Variants in CTDSPL2 observed in about 807,000 individuals in gnomAD.
CTDSPL2 encodes CTD small phosphatase like 2, also known as CTD small phosphatase-like protein 2.
In CTDSPL2, 5 loss-of-function variants were observed where a neutral mutation model predicts 60.0. The ratio of observed to expected loss-of-function variants is 0.08; its 90% CI spans 0.04 to 0.18. CTDSPL2 has a LOEUF of 0.18. CTDSPL2 is among the 10% of genes least tolerant of loss of function. CTDSPL2 has a pLI of 1.00. For synonymous variants in CTDSPL2, 186 were observed against 189.3 expected (o/e 0.98, Z 0.14); for missense variants, 370 against 548.8 (o/e 0.67, Z 3.26).
intron 2 of CTDSPL2, among the ~76,000 whole-genome samples, chr15:44,472,497 C>G (rs1203273186): frequency 1.3e-5 from 2 of 148,938 alleles, no homozygotes; most frequent in African/African-American, 4.9e-5. Context: ...AGAGAAATGT[C>G]TGGTATTTTA....
At chr15:44,484,601 G>A (rs112188293) in intron 3 of CTDSPL2, among the ~76,000 whole-genome samples, 52 of 152,260 alleles carry the variant, frequency 3.4e-4, no homozygotes, top group African/African-American at 1.1e-3. Flanking sequence ...TTAGCCAGGC[G>A]TGGTGGCGCA....
chr15:44,513,535 A>T (rs1341648645), intron 8 of CTDSPL2, among the ~76,000 whole-genome samples: 1 of 152,188 alleles, frequency 6.6e-6, no homozygotes, highest in Non-Finnish European at 1.5e-5. Context: ...GCCCTAAAAC[A>T]TTCCTAGAAC....
chr15:44,494,910 C>T (rs546529745), intron 5 of CTDSPL2, among the ~76,000 whole-genome samples: 16 of 152,142 alleles, frequency 1.1e-4, no homozygotes, highest in African/African-American at 1.9e-4. Context: ...ATTGAGACTC[C>T]GCCTCAACAC....
intron 8 of CTDSPL2, chr15:44,503,499 A>C (rs1301272599): frequency 2.2e-4 from 33 of 152,176 alleles, no homozygotes; most frequent in Admixed American, 2.2e-3. Flanking sequence ...GATGACTTCT[A>C]TCCACAAGCA....
At position 44,522,751 on chromosome 15, in the gene CTDSPL2, TCAAAA is replaced by T. The variant is rs1485967926; in HGVS notation, c.1336-1343_1336-1339del. ...CTGGGCAACAGAGTGAGACTTTGTC[TCAAAA>T]CAAAACAAAACAAACAAACAAAATT... On this transcript the variant is annotated intron_variant, in intron 12 of 12. Transcript: ENST00000260327. Among the ~76,000 whole-genome samples, 5 of 152,246 alleles carry T rather than the reference TCAAAA, an allele frequency of 3.3e-5. No individual in the cohort carries two copies. The East Asian group carries it at 7.8e-4, about 24-fold the overall frequency.
intron 1 of CTDSPL2, among the ~76,000 whole-genome samples, chr15:44,437,729 CTTA>C (rs1266097701): frequency 2.0e-5 from 3 of 152,064 alleles, no homozygotes; most frequent in African/African-American, 7.2e-5. Flanking sequence ...CTTCAAGACT[CTTA>C]CAGTCTAGTG....
chr15:44,524,494 A>G lies in CTDSPL2; in HGVS notation c.*320A>G, dbSNP rs2081841529. 4.2e-6 allele frequency: 1 copy of G among 239,188 alleles called. No individual in the cohort carries two copies. 14.8% of individuals were successfully genotyped at this position (239,188 alleles called of 1,614,324 possible). A position where few individuals can be genotyped will look rare whatever the true frequency, so the allele number is the denominator to read the frequency against. On this transcript the variant is annotated 3_prime_UTR_variant, in exon 13 of 13. Transcript: ENST00000260327. ...GCAGTTTGACCTGTAGTCACACAGG[A>G]TTTTATGATAATAACAGAGATGAAA...
At chr15:44,453,945 A>G (rs536165675) in intron 1 of CTDSPL2, among the ~76,000 whole-genome samples, 37 of 152,318 alleles carry the variant, frequency 2.4e-4, no homozygotes, top group Non-Finnish European at 5.1e-4. Flanking sequence ...TTACCCAGTA[A>G]TGGGATAGCT....
intron 2 of CTDSPL2, among the ~76,000 whole-genome samples, chr15:44,471,156 G>A (rs1025636914): frequency 2.6e-5 from 4 of 152,002 alleles, no homozygotes; most frequent in African/African-American, 7.2e-5. Flanking sequence ...TTTCTTCCGC[G>A]TTACCACATG....
At chr15:44,518,885 A>G (rs2081706637) in intron 10 of CTDSPL2, 1 of 181,882 alleles carries the variant, frequency 5.5e-6, no homozygotes, top group Admixed American at 6.2e-5. Context: ...TACAAAAACA[A>G]TTTAGAGTTT....
intron 1 of CTDSPL2, among the ~76,000 whole-genome samples, chr15:44,446,569 G>A (rs953366709): frequency 9.2e-5 from 14 of 152,000 alleles, no homozygotes; most frequent in Admixed American, 2.6e-4. Context: ...GGTAGAGGTT[G>A]CAGTGAGCTG....
Position 44,484,276 on chromosome 15 carries a change from A to C in CTDSPL2, c.239A>C (p.Asn80Thr). Residue 80 changes from asparagine (N) to threonine (T), a missense_variant, in exon 3 of 13, where the codon AAC becomes ACC. Around this residue, in one of 6 missense-constraint regions of CTDSPL2, gnomAD observed 287 missense variants for 296.1 expected, o/e 0.97. Coordinates refer to ENST00000260327, the MANE Select transcript of CTDSPL2 (RefSeq NM_016396.3). The stretch of plus-strand genomic sequence containing the variant: ...AGTAGAATTGAACGTGATATAGATA[A>C]CAATTTGATCACGTCAACACCAAGA... ...KRSRIERDID[N>T]NLITSTPRAG... 6.2e-7 allele frequency: 1 copy of C among 1,611,908 alleles called. No homozygotes were observed. Among genetic ancestry groups the C allele is most frequent in the Non-Finnish European group, 8.5e-7 (1 of 1,178,034 alleles).
At chr15:44,452,504 A>G (rs527997587) in intron 1 of CTDSPL2, among the ~76,000 whole-genome samples, 1 of 152,134 alleles carries the variant, frequency 6.6e-6, no homozygotes, top group Non-Finnish European at 1.5e-5. Context: ...TGTCAGGAAT[A>G]TTTTTGTAAA....
chr15:44,446,170 C>G (rs1351778997), intron 1 of CTDSPL2, among the ~76,000 whole-genome samples: 1 of 151,824 alleles, frequency 6.6e-6, no homozygotes, highest in Non-Finnish European at 1.5e-5. Context: ...GTGATCCACC[C>G]ACCTCGACCT....
intron 1 of CTDSPL2, among the ~76,000 whole-genome samples, chr15:44,444,855 T>TTTTG (rs1567062061): frequency 7.5e-6 from 1 of 133,558 alleles, no homozygotes; most frequent in African/African-American, 2.9e-5. Context: ...TTTTTTTTTT[T>TTTTG]TTTTTTTTTT....
chr15:44,443,124 TTAAGTA>T (rs2080126367), intron 1 of CTDSPL2, among the ~76,000 whole-genome samples: 1 of 152,246 alleles, frequency 6.6e-6, no homozygotes, highest in South Asian at 2.1e-4. Flanking sequence ...TTCAGTGGTA[TTAAGTA>T]CATTCACCTT....
chr15:44,471,320 C>T (rs966068495), intron 2 of CTDSPL2, among the ~76,000 whole-genome samples: 1 of 152,110 alleles, frequency 6.6e-6, no homozygotes, highest in African/African-American at 2.4e-5. Context: ...ATTGCTGGAT[C>T]ATAAGATGTA....
In CTDSPL2 at chr15:44,511,867, C is replaced by CAAAA. The variant is rs68063380; in HGVS notation, c.970-2709_970-2706dup. ...TGGGCAGCAGAATGAGACGGTCTCG[C>CAAAA]AAAAAAAAAAAAAAAAAAAAAAAAA... is the stretch of plus-strand genomic sequence containing the variant. On this transcript the variant is annotated intron_variant, in intron 8 of 12. Transcript: ENST00000260327. Among the ~76,000 whole-genome samples the CAAAA allele has an allele frequency of 1.2e-3, 36 of 30,622 alleles. 2 individuals are homozygous for CAAAA. Among genetic ancestry groups the CAAAA allele is most frequent in the African/African-American group, 2.4e-3 (30 of 12,364 alleles). The allele number at this position is 30,622 out of a possible 152,430, so 20.1% of individuals were successfully genotyped here.
chr15:44,445,105 G>T (rs1478552290), intron 1 of CTDSPL2, among the ~76,000 whole-genome samples: 1 of 151,308 alleles, frequency 6.6e-6, no homozygotes, highest in Admixed American at 6.6e-5. Context: ...CGGCCTCCCA[G>T]AGTGCTGGGA....
Sources: allele counts gnomAD v4.1 joint callset (sites outside exome capture counted in the v4.1 genomes callset), GRCh38; gene constraint gnomAD v4.1.1; regional missense constraint gnomAD v4.1.1; transcripts MANE v1.5; gene names NCBI Gene and HGNC (gene_info 2026-07-23, HGNC 2026-07-21).